The following SAMD12 variants were observed in gnomAD, a reference collection of about 807,000 sequenced individuals.
SAMD12 encodes the protein sterile alpha motif domain containing 12.
Under a neutral mutation model 15.0 loss-of-function variants are expected in SAMD12, and 9 were observed. The ratio of observed to expected loss-of-function variants is 0.60; its 90% CI spans 0.36 to 1.05. The LOEUF (loss-of-function observed/expected upper bound fraction) is 1.05. Ranked by LOEUF, SAMD12 falls within the 50% of genes least tolerant of loss-of-function variation. The pLI, the probability that SAMD12 is intolerant of heterozygous loss-of-function variation, is 0.01. For synonymous variants in SAMD12, 86 were observed against 90.1 expected (o/e 0.96, Z 0.25); for missense variants, 230 against 234.2 (o/e 0.98, Z 0.12).
intron 4 of SAMD12, among the ~76,000 whole-genome samples, chr8:118,348,424 G>A (rs1230460292): frequency 1.3e-5 from 2 of 151,550 alleles, no homozygotes; most frequent in African/African-American, 4.9e-5. Context: ...AGGCTGGAGT[G>A]CAGTGGTGTG....
intron 2 of SAMD12, among the ~76,000 whole-genome samples, chr8:118,506,636 A>G (rs1450611332): frequency 6.6e-6 from 1 of 152,114 alleles, no homozygotes; most frequent in Non-Finnish European, 1.5e-5. Flanking sequence ...ATGAAGAGTC[A>G]TGTGTATTTG....
At chr8:118,507,892 C>A (rs1377227439) in intron 2 of SAMD12, among the ~76,000 whole-genome samples, 1 of 151,882 alleles carries the variant, frequency 6.6e-6, no homozygotes, top group Non-Finnish European at 1.5e-5. Flanking sequence ...ATCCCCAGTA[C>A]CCTGAGGGAG....
chr8:118,303,448 G>A (rs374783120), intron 4 of SAMD12, among the ~76,000 whole-genome samples: 7 of 152,138 alleles, frequency 4.6e-5, no homozygotes, highest in African/African-American at 9.7e-5. Context: ...TTCATTTACC[G>A]GAAGAAAGAA....
intron 2 of SAMD12, among the ~76,000 whole-genome samples, chr8:118,483,869 AAGG>A (rs1824199746): frequency 6.6e-6 from 1 of 152,210 alleles, no homozygotes; most frequent in East Asian, 1.9e-4. Flanking sequence ...TAACCTGCAG[AAGG>A]TCACCCAGAT....
chr8:118,532,431 A>G (rs1208065235), intron 2 of SAMD12, among the ~76,000 whole-genome samples: 2 of 152,136 alleles, frequency 1.3e-5, no homozygotes, highest in African/African-American at 2.4e-5. Context: ...AGGCTTTGAT[A>G]TCAGGATGAG....
At chr8:118,559,317 T>G (rs1018239057) in intron 2 of SAMD12, among the ~76,000 whole-genome samples, 2 of 152,206 alleles carry the variant, frequency 1.3e-5, no homozygotes, top group Non-Finnish European at 2.9e-5. Context: ...AATACAGTCC[T>G]CTGAGAGTTC....
intron 3 of SAMD12, among the ~76,000 whole-genome samples, chr8:118,392,199 C>T (rs1340047932): frequency 6.6e-6 from 1 of 152,194 alleles, no homozygotes; most frequent in African/African-American, 2.4e-5. Flanking sequence ...GAGGCTGAGG[C>T]AGGCGGATCA....
intron 1 of SAMD12, among the ~76,000 whole-genome samples, chr8:118,607,587 A>G (rs1194758202): frequency 6.6e-6 from 1 of 152,116 alleles, no homozygotes; most frequent in Non-Finnish European, 1.5e-5. Context: ...TTTCAACTCT[A>G]CTGCTTACTA....
At chr8:118,304,868 G>A (rs1347907285) in intron 4 of SAMD12, among the ~76,000 whole-genome samples, 2 of 150,924 alleles carry the variant, frequency 1.3e-5, no homozygotes, top group Non-Finnish European at 2.9e-5. Context: ...TACAGCTCAG[G>A]CCAGGTGCAG....
chr8:118,419,070 G>T (rs530189821), intron 3 of SAMD12, among the ~76,000 whole-genome samples: 26 of 152,014 alleles, frequency 1.7e-4, no homozygotes, highest in African/African-American at 6.0e-4. Flanking sequence ...TCTCATTCTT[G>T]GTGTCAAAAG....
At chr8:118,319,136 A>G (rs986900356) in intron 4 of SAMD12, among the ~76,000 whole-genome samples, 4 of 152,178 alleles carry the variant, frequency 2.6e-5, no homozygotes, top group Non-Finnish European at 4.4e-5. Context: ...TAGTTCATAA[A>G]TATCTACCAT....
At chr8:118,334,083 A>G in intron 4 of SAMD12, among the ~76,000 whole-genome samples, 1 of 152,176 alleles carries the variant, frequency 6.6e-6, no homozygotes, top group Non-Finnish European at 1.5e-5. Context: ...ATCTTCTGCA[A>G]AGCACTCCCA....
intron 2 of SAMD12, among the ~76,000 whole-genome samples, chr8:118,459,381 T>A (rs1823350337): frequency 6.7e-6 from 1 of 148,734 alleles, no homozygotes; most frequent in Non-Finnish European, 1.5e-5. Context: ...GAATAATTTC[T>A]AATCTATCAC....
At chr8:118,387,581 CTAT>C (rs769932936) in intron 3 of SAMD12, among the ~76,000 whole-genome samples, 12 of 152,256 alleles carry the variant, frequency 7.9e-5, no homozygotes, top group Non-Finnish European at 1.3e-4. Flanking sequence ...TCTGAAGGTA[CTAT>C]TATTATCTAT....
rs141616942 is a variant in SAMD12, at chr8:118,522,165, CACACACACACACAT to C, written c.192+58536_192+58549del. Among the ~76,000 whole-genome samples the C allele has an allele frequency of 5.5e-4, 32 of 57,718 alleles. 1 individual carries two copies. Among genetic ancestry groups the C allele is most frequent in the African/African-American group, 1.6e-3 (9 of 5,554 alleles). The allele number at this position is 57,718 out of a possible 152,430, so 37.9% of individuals were successfully genotyped here. A position where few individuals can be genotyped will look rare whatever the true frequency, so the allele number is the denominator to read the frequency against. On this transcript the variant is annotated intron_variant, in intron 2 of 3. Transcript: ENST00000314727. ...AACTACTGATTCAGTGAAACACACA[CACACACACACACAT>C]ACACACACACACACACACATACACA...
chr8:118,551,156 C>A (rs1267373732), intron 2 of SAMD12, among the ~76,000 whole-genome samples: 1 of 152,184 alleles, frequency 6.6e-6, no homozygotes, highest in Non-Finnish European at 1.5e-5. Context: ...GAATGGAAAT[C>A]AGCTCTGCAC....
At chr8:118,187,993 T>A (rs929867563), downstream of SAMD12, among the ~76,000 whole-genome samples, 2 of 150,544 alleles carry the variant, frequency 1.3e-5, no homozygotes, top group Non-Finnish European at 3.0e-5. Context: ...GACAGATAAC[T>A]GCTCTACCCT....
intron 4 of SAMD12, among the ~76,000 whole-genome samples, chr8:118,283,311 A>G (rs1813752316): frequency 1.3e-5 from 2 of 152,350 alleles, no homozygotes; most frequent in East Asian, 1.9e-4. Context: ...CAATCAATGA[A>G]TATGATCTGA....
At chr8:118,476,764 C>A (rs1823970557) in intron 2 of SAMD12, among the ~76,000 whole-genome samples, 2 of 152,162 alleles carry the variant, frequency 1.3e-5, no homozygotes, top group South Asian at 4.1e-4. Context: ...AAAATTATTT[C>A]ATGCCCTCGT....
Sources: allele counts gnomAD v4.1 joint callset (sites outside exome capture counted in the v4.1 genomes callset), GRCh38; gene constraint gnomAD v4.1.1; transcripts MANE v1.5; gene names NCBI Gene and HGNC (gene_info 2026-07-23, HGNC 2026-07-21).